Variants in GALNT13 observed in about 807,000 individuals in gnomAD.
The protein encoded by GALNT13 is polypeptide N-acetylgalactosaminyltransferase 13, also known as UDP-GalNAc:polypeptide N-acetylgalactosaminyltransferase 13.
A neutral mutation model predicts 64.2 loss-of-function variants in GALNT13; 28 were observed. That is an observed-to-expected ratio of 0.44 (90% CI 0.32 to 0.60). The LOEUF is 0.60. Ranked by LOEUF, GALNT13 falls within the 20% of genes least tolerant of loss-of-function variation. GALNT13 has a pLI of 0.05. For missense variants in GALNT13, 577 were observed against 669.8 expected (o/e 0.86, Z 1.53); for synonymous variants, 214 against 224.6 (o/e 0.95, Z 0.42).
At chr2:153,266,723 G>C in the GALNT13 span, among the ~76,000 whole-genome samples, 2 of 152,100 alleles carry the variant, frequency 1.3e-5, no homozygotes, top group African/African-American at 4.8e-5. Flanking sequence ...TTGACACGTG[G>C]GGATTATGGG....
intron 11 of GALNT13, among the ~76,000 whole-genome samples, chr2:154,410,707 G>T (rs1033034487): frequency 2.0e-5 from 3 of 151,742 alleles, no homozygotes; most frequent in Admixed American, 6.6e-5. Context: ...GAGACATTTA[G>T]AAGTGCCAGC....
At chr2:153,435,255 G>T in the GALNT13 span, among the ~76,000 whole-genome samples, 9 of 152,318 alleles carry the variant, frequency 5.9e-5, no homozygotes, top group African/African-American at 1.7e-4. Flanking sequence ...TTGAAGTCAG[G>T]TAGCGTGATG....
At chr2:153,374,554 CT>C in the GALNT13 span, among the ~76,000 whole-genome samples, 2 of 152,024 alleles carry the variant, frequency 1.3e-5, no homozygotes, top group African/African-American at 4.8e-5. Context: ...TCACAATTCT[CT>C]TTTCTGTGTT....
chr2:153,249,967 A>T, the GALNT13 span, among the ~76,000 whole-genome samples: 1 of 150,232 alleles, frequency 6.7e-6, no homozygotes, highest in Non-Finnish European at 1.5e-5. Context: ...TATAGGCACG[A>T]TCTCATAGTC....
chr2:153,835,280 C>T, the GALNT13 span, among the ~76,000 whole-genome samples: 1 of 151,986 alleles, frequency 6.6e-6, no homozygotes, highest in Non-Finnish European at 1.5e-5. Flanking sequence ...GGTGGTTAAT[C>T]TTACATGTTG....
chr2:153,292,060 G>A, the GALNT13 span, among the ~76,000 whole-genome samples: 2 of 152,144 alleles, frequency 1.3e-5, no homozygotes, highest in African/African-American at 4.8e-5. Flanking sequence ...AGGCGTTTCT[G>A]GTGCTTGGTT....
At chr2:153,182,295 C>T in the GALNT13 span, among the ~76,000 whole-genome samples, 2 of 152,166 alleles carry the variant, frequency 1.3e-5, no homozygotes, top group Admixed American at 1.3e-4. Flanking sequence ...CCGCCTGCCT[C>T]AGCCTCCCAA....
intron 7 of GALNT13, among the ~76,000 whole-genome samples, chr2:154,250,857 AAG>A (rs1690032089): frequency 6.6e-6 from 1 of 152,120 alleles, no homozygotes; most frequent in South Asian, 2.1e-4. Flanking sequence ...TATAAAATAA[AAG>A]ATATGAAAAC....
the GALNT13 span, among the ~76,000 whole-genome samples, chr2:153,071,790 A>T: frequency 6.6e-6 from 1 of 152,168 alleles, no homozygotes; most frequent in African/African-American, 2.4e-5. Flanking sequence ...ATAGCCTATC[A>T]CCTTCTTTTG....
At chr2:153,509,977 CTA>C in the GALNT13 span, among the ~76,000 whole-genome samples, 2 of 152,120 alleles carry the variant, frequency 1.3e-5, no homozygotes, top group South Asian at 4.1e-4. Context: ...TTACACTGCA[CTA>C]TGTTGTTTGA....
At chr2:153,568,780 C>A in the GALNT13 span, among the ~76,000 whole-genome samples, 1 of 152,154 alleles carries the variant, frequency 6.6e-6, no homozygotes, top group Non-Finnish European at 1.5e-5. Context: ...CACATACATA[C>A]CTCCCGAAAG....
chr2:153,299,116 C>A, the GALNT13 span, among the ~76,000 whole-genome samples: 2 of 152,086 alleles, frequency 1.3e-5, no homozygotes, highest in Non-Finnish European at 1.5e-5. Flanking sequence ...AATAAGGTTT[C>A]TTTTGTATTT....
intron 3 of GALNT13, among the ~76,000 whole-genome samples, chr2:154,047,545 G>T (rs1156255744): frequency 6.6e-6 from 1 of 152,154 alleles, no homozygotes; most frequent in Non-Finnish European, 1.5e-5. Context: ...TTCCTCATCT[G>T]TAGAACAAGA....
chr2:153,548,459 T>C, the GALNT13 span, among the ~76,000 whole-genome samples: 2 of 152,198 alleles, frequency 1.3e-5, no homozygotes, highest in African/African-American at 4.8e-5. Context: ...TTGTCAAATA[T>C]ACTTAACGTG....
chr2:154,199,342 T>C (rs1325062728), intron 4 of GALNT13, among the ~76,000 whole-genome samples: 1 of 151,990 alleles, frequency 6.6e-6, no homozygotes, highest in Non-Finnish European at 1.5e-5. Context: ...GAATAAAATA[T>C]GCTGCAAAAA....
At chr2:153,157,304 C>A in the GALNT13 span, among the ~76,000 whole-genome samples, 13 of 152,174 alleles carry the variant, frequency 8.5e-5, no homozygotes, top group Non-Finnish European at 1.8e-4. Context: ...AATATCAAAG[C>A]CACTGTCTCT....
At chr2:153,616,441 AT>A in the GALNT13 span, among the ~76,000 whole-genome samples, 28 of 151,120 alleles carry the variant, frequency 1.9e-4, no homozygotes, top group African/African-American at 6.6e-4. Flanking sequence ...TCATTTTAGG[AT>A]TTTTTTTCTA....
the GALNT13 span, among the ~76,000 whole-genome samples, chr2:153,664,450 A>G: frequency 2.6e-5 from 4 of 152,190 alleles, no homozygotes; most frequent in Admixed American, 6.5e-5. Flanking sequence ...TAGGATGCCC[A>G]GATTTCATAT....
intron 4 of GALNT13, among the ~76,000 whole-genome samples, chr2:154,220,467 T>G (rs1176670898): frequency 6.6e-6 from 1 of 152,102 alleles, no homozygotes; most frequent in Non-Finnish European, 1.5e-5. Flanking sequence ...CATGTTCTAC[T>G]AGGTCTTAAG....
Sources: allele counts gnomAD v4.1 joint callset (sites outside exome capture counted in the v4.1 genomes callset), GRCh38; gene constraint gnomAD v4.1.1; transcripts MANE v1.5; gene names NCBI Gene and HGNC (gene_info 2026-07-23, HGNC 2026-07-21).